The following FBXO10 variants were observed in gnomAD, a reference collection of about 807,000 sequenced individuals.
The protein encoded by FBXO10 is F-box only protein 10.
A neutral mutation model predicts 80.7 loss-of-function variants in FBXO10; 39 were observed. That is an observed-to-expected ratio of 0.48 (90% CI 0.37 to 0.63). The LOEUF is 0.63. Among genes scored for constraint, FBXO10 ranks in the 30% least tolerant of loss-of-function variants. FBXO10 has a pLI of 0.00. For synonymous variants in FBXO10, 449 were observed against 489.6 expected (o/e 0.92, Z 1.09); for missense variants, 1,025 against 1,269.0 (o/e 0.81, Z 2.92).
At chr9:37,566,662 G>A (rs1484261954) in intron 1 of FBXO10, among the ~76,000 whole-genome samples, 1 of 152,112 alleles carries the variant, frequency 6.6e-6, no homozygotes, top group Non-Finnish European at 1.5e-5. Flanking sequence ...CAAAGTAAAT[G>A]TCCCTAGCTT....
chr9:37,535,057 T>A (rs1182612055), intron 3 of FBXO10, among the ~76,000 whole-genome samples: 4 of 152,148 alleles, frequency 2.6e-5, no homozygotes, highest in African/African-American at 9.7e-5. Flanking sequence ...GGAGATCGCC[T>A]CTGAGCAGCA....
intron 1 of FBXO10, among the ~76,000 whole-genome samples, chr9:37,568,506 CCCAATTTACTTTGTTTTCAAGAAA>C (rs1232119249): frequency 5.3e-5 from 8 of 152,154 alleles, no homozygotes; most frequent in Admixed American, 5.2e-4. Flanking sequence ...TCCCCACCCA[CCCAATTTACTTTGTTTTCAAGAAA>C]CCAATTTACT....
intron 5 of FBXO10, among the ~76,000 whole-genome samples, chr9:37,527,727 T>C (rs569227586): frequency 3.9e-5 from 6 of 152,288 alleles, no homozygotes; most frequent in Non-Finnish European, 8.8e-5. Context: ...ACTGTTCTTG[T>C]ACATGTTGTA....
intron 1 of FBXO10, among the ~76,000 whole-genome samples, chr9:37,572,767 G>A (rs1411059490): frequency 3.3e-5 from 5 of 152,010 alleles, no homozygotes; most frequent in Non-Finnish European, 5.9e-5. Flanking sequence ...GATTACGTGT[G>A]TATTTCCTTT....
rs770705601 is a variant in FBXO10 at position 37,541,269 on chromosome 9, A to G, written c.500T>C (p.Leu167Pro). 9.3e-6 allele frequency: 15 copies of G among 1,613,982 alleles called. No homozygotes were observed. Among genetic ancestry groups the G allele is most frequent in the Non-Finnish European group, 1.3e-5 (15 of 1,179,870 alleles). Reference protein sequence around the residue: ...GQGKLGEVALLASIDQHCSTT... With the variant: ...GQGKLGEVALPASIDQHCSTT... ...TGAGCAGTGCTGATCAATGCTGGCC[A>G]GCAGGGCCACTTCACCCAACTTCCC... is the stretch of plus-strand genomic sequence containing the variant. Residue 167 changes from leucine (L) to proline (P), a missense_variant, in exon 2 of 11, where the codon CTG becomes CCG. Coordinates refer to ENST00000432825, the MANE Select transcript of FBXO10 (RefSeq NM_012166.3).
chr9:37,536,878 C>T (rs1223603103), intron 3 of FBXO10, among the ~76,000 whole-genome samples: 1 of 152,206 alleles, frequency 6.6e-6, no homozygotes, highest in Non-Finnish European at 1.5e-5. Flanking sequence ...AGTCTCAATT[C>T]TGCCTAACTT....
intron 8 of FBXO10, among the ~76,000 whole-genome samples, chr9:37,519,195 C>T (rs1354972531): frequency 6.6e-6 from 1 of 152,236 alleles, no homozygotes; most frequent in African/African-American, 2.4e-5. Flanking sequence ...AGGCGTGAGC[C>T]ACCATGCCTG....
At chr9:37,562,976 G>T (rs1051877932) in intron 1 of FBXO10, among the ~76,000 whole-genome samples, 35 of 146,794 alleles carry the variant, frequency 2.4e-4, no homozygotes, top group African/African-American at 8.9e-4. Context: ...GTTTGGCTGT[G>T]TCCCCACCCA....
chr9:37,536,576 C>G (rs534430303), intron 3 of FBXO10, among the ~76,000 whole-genome samples: 1 of 152,266 alleles, frequency 6.6e-6, no homozygotes, highest in Admixed American at 6.5e-5. Flanking sequence ...CTAGCCCCAC[C>G]GCATGGTTGA....
intron 1 of FBXO10, among the ~76,000 whole-genome samples, chr9:37,556,173 T>C (rs1822329493): frequency 1.3e-5 from 2 of 152,238 alleles, no homozygotes; most frequent in South Asian, 2.1e-4. Context: ...ATTTGTTTCA[T>C]TGATCTACTT....
chr9:37,555,396 G>A (rs954697925), intron 1 of FBXO10, among the ~76,000 whole-genome samples: 4 of 149,836 alleles, frequency 2.7e-5, no homozygotes, highest in East Asian at 1.9e-4. Flanking sequence ...TTTTTCAGAC[G>A]GAGTTTTGCT....
chr9:37,537,700 T>C lies in FBXO10; in HGVS notation c.829A>G (p.Ile277Val). 6.2e-7 allele frequency: 1 copy of C among 1,613,974 alleles called. No homozygotes were observed. Among genetic ancestry groups the C allele is most frequent in the Non-Finnish European group, 8.5e-7 (1 of 1,179,864 alleles). ...GGGAGAAAAGTGGGTGAGGACTTGA[T>C]AAGCCCTAGTAGATACTTGTAGGCC... Reference protein sequence around the residue: ...NWAYKYLLGLIKSSPTFLPTE... With the variant: ...NWAYKYLLGLVKSSPTFLPTE... The change falls in exon 3 of 11, where the codon ATC becomes GTC. Residue 277 changes from isoleucine to valine, a missense_variant. This residue lies in a region of FBXO10 where 450 missense variants were observed against 499.4 expected (regional missense o/e 0.90). Transcript: ENST00000432825.
chr9:37,522,926 C>G lies in FBXO10; in HGVS notation c.1829G>C (p.Gly610Ala), dbSNP rs1236833961. 1 of 1,587,920 alleles carries G rather than the reference C, an allele frequency of 6.3e-7. No homozygotes were observed. Among genetic ancestry groups the G allele is most frequent in the Non-Finnish European group, 8.6e-7 (1 of 1,167,430 alleles). ...QWGGVDIRRG[G>A]IPVLRSNLIC... ...GAGGTTACTCCTGAGAACGGGGATCCCTCCACGGCGGATGTCCACACCTCC... is the reference window on the plus strand; with the variant it reads ...GAGGTTACTCCTGAGAACGGGGATCGCTCCACGGCGGATGTCCACACCTCC... Residue 610 changes from glycine (G) to alanine (A), a missense_variant, in exon 7 of 11, where the codon GGG becomes GCG. Physicochemically the swap from Gly to Ala is moderately conservative, Grantham distance 60. Transcript: ENST00000432825.
intron 1 of FBXO10, among the ~76,000 whole-genome samples, chr9:37,567,800 G>C (rs1822647246): frequency 6.6e-6 from 1 of 152,194 alleles, no homozygotes; most frequent in Admixed American, 6.5e-5. Flanking sequence ...AAAGTGCTGG[G>C]ATTCCAGGCA....
At chr9:37,535,139 C>T (rs566875550) in intron 3 of FBXO10, among the ~76,000 whole-genome samples, 100 of 152,234 alleles carry the variant, frequency 6.6e-4, no homozygotes, top group Middle Eastern at 6.8e-3. Flanking sequence ...GCCTACGGGA[C>T]GCTGAGGATA....
intron 1 of FBXO10, among the ~76,000 whole-genome samples, chr9:37,547,327 C>T (rs1224230964): frequency 2.0e-5 from 3 of 152,158 alleles, no homozygotes; most frequent in South Asian, 2.1e-4. Flanking sequence ...CAGTGGCAGA[C>T]GCCTATAATC....
At chr9:37,522,004 C>A (rs909010206) in intron 7 of FBXO10, 166 bp from the exon 8 acceptor site, 2 of 713,284 alleles carry the variant, frequency 2.8e-6, no homozygotes, top group Admixed American at 3.1e-5. Flanking sequence ...TTCACCTTCA[C>A]ACAAGAGAGG....
intron 4 of FBXO10, 93 bp downstream of exon 4, chr9:37,531,816 G>A (rs530629476): frequency 2.9e-5 from 41 of 1,436,136 alleles, no homozygotes; most frequent in African/African-American, 2.8e-4. Flanking sequence ...CAGGAAGCAC[G>A]TAAATACAAG....
chr9:37,518,389 A>G lies in FBXO10; in HGVS notation c.2250T>C (p.Asn750=). The change falls in exon 9 of 11, where the codon AAT becomes AAC. Residue 750 remains asparagine, a synonymous_variant. Coordinates refer to ENST00000432825, the MANE Select transcript of FBXO10 (RefSeq NM_012166.3). ...CTCTGTCCCCATTCGCGTGGATCACATTGGTGATGACATGCAGTGCCTCGC... is the reference window on the plus strand; with the variant it reads ...CTCTGTCCCCATTCGCGTGGATCACGTTGGTGATGACATGCAGTGCCTCGC... ...QSSEALHVIT[N]VIHANGDRGI... is the part of the protein sequence containing the mutation. 4 of 1,613,222 alleles carry G rather than the reference A, an allele frequency of 2.5e-6. No individual in the cohort carries two copies. Among genetic ancestry groups the G allele is most frequent in the South Asian group, 1.1e-5 (1 of 91,012 alleles).
Sources: allele counts gnomAD v4.1 joint callset (sites outside exome capture counted in the v4.1 genomes callset), GRCh38; gene constraint gnomAD v4.1.1; regional missense constraint gnomAD v4.1.1; transcripts MANE v1.5; gene names NCBI Gene and HGNC (gene_info 2026-07-23, HGNC 2026-07-21).